Variants in LARP4 observed in about 807,000 individuals in gnomAD.
The protein encoded by LARP4 is la-related protein 4.
A neutral mutation model predicts 92.9 loss-of-function variants in LARP4; 29 were observed. That is an observed-to-expected ratio of 0.31 (90% CI 0.23 to 0.43). The LOEUF (loss-of-function observed/expected upper bound fraction) is 0.43, where lower values mean the gene tolerates loss of function less well. Among genes scored for constraint, LARP4 ranks in the 20% least tolerant of loss-of-function variants. The pLI is 1.00. For missense variants in LARP4, 732 were observed against 860.0 expected (o/e 0.85, Z 1.86); for synonymous variants, 279 against 284.1 (o/e 0.98, Z 0.18).
At chr12:50,440,212 G>C (rs1051162210) in intron 6 of LARP4, among the ~76,000 whole-genome samples, 3 of 152,164 alleles carry the variant, frequency 2.0e-5, no homozygotes, top group Non-Finnish European at 2.9e-5. Context: ...TCAGGCGGAA[G>C]GATCGCTTGC....
At position 50,474,101 on chromosome 12, in the gene LARP4, A is replaced by G; in HGVS notation, c.1770A>G (p.Pro590=). 6.2e-7 allele frequency: 1 copy of G among 1,613,398 alleles called. No individual in the cohort carries two copies. Among genetic ancestry groups the G allele is most frequent in the Non-Finnish European group, 8.5e-7 (1 of 1,179,802 alleles). The change falls in exon 15 of 16, where the codon CCA becomes CCG. Residue 590 remains proline (P), a synonymous_variant. Transcript: ENST00000398473. ...IPVSPPSTTK[P]SRASTASPCN... is the part of the protein sequence containing the mutation. Reference sequence around the variant, plus strand: ...TTTCTCCTCCAAGTACTACAAAGCCATCGAGGGCAAGTACTGCTTCACCAT... The same window carrying G: ...TTTCTCCTCCAAGTACTACAAAGCCGTCGAGGGCAAGTACTGCTTCACCAT...
intron 12 of LARP4, 88 bp from the exon 13 acceptor site, chr12:50,466,871 T>A (rs970269018): frequency 7.6e-6 from 10 of 1,313,508 alleles, no homozygotes; most frequent in African/African-American, 1.5e-5. Flanking sequence ...TTTGCTTCTT[T>A]TTCTTTTCTT....
At chr12:50,461,546 T>C (rs1287673889) in intron 11 of LARP4, 199 bp downstream of exon 11, 6 of 552,476 alleles carry the variant, frequency 1.1e-5, no homozygotes, top group Non-Finnish European at 1.9e-5. Flanking sequence ...AGAATATAGC[T>C]CTGAATCAGA....
intron 3 of LARP4, 122 bp downstream of exon 3, chr12:50,429,212 C>T (rs986379069): frequency 2.1e-5 from 14 of 682,212 alleles, no homozygotes; most frequent in Non-Finnish European, 2.0e-5. Flanking sequence ...AAGAAGGTTA[C>T]GTTAATGAAA....
intron 15 of LARP4, among the ~76,000 whole-genome samples, chr12:50,474,736 G>T (rs1165855600): frequency 6.6e-6 from 1 of 152,066 alleles, no homozygotes; most frequent in African/African-American, 2.4e-5. Context: ...TATCATTTTG[G>T]GGCTAACATA....
chr12:50,428,848 C>A, intron 2 of LARP4, 87 bp from the exon 3 acceptor site: 1 of 978,612 alleles, frequency 1.0e-6, no homozygotes, highest in East Asian at 2.7e-5. Flanking sequence ...TCCTTAAAAT[C>A]TTTTTATAGG....
At chr12:50,446,331 C>CGG (rs1952063698) in intron 8 of LARP4, among the ~76,000 whole-genome samples, 3 of 18,982 alleles carry the variant, frequency 1.6e-4, no homozygotes, top group Non-Finnish European at 9.3e-4. Flanking sequence ...GACTAGTGGT[C>CGG]TCTCTCTCTC....
chr12:50,426,599 C>T (rs570241549), intron 1 of LARP4, among the ~76,000 whole-genome samples: 5 of 151,898 alleles, frequency 3.3e-5, no homozygotes, highest in African/African-American at 1.2e-4. Flanking sequence ...ATAAAATACT[C>T]CTCACTACTT....
chr12:50,474,095 A>G lies in LARP4; in HGVS notation c.1764A>G (p.Thr588=). ...TTIPVSPPST[T]KPSRASTASP... is the part of the protein sequence containing the mutation. Reference sequence around the variant, plus strand: ...TACCAGTTTCTCCTCCAAGTACTACAAAGCCATCGAGGGCAAGTACTGCTT... The same window carrying G: ...TACCAGTTTCTCCTCCAAGTACTACGAAGCCATCGAGGGCAAGTACTGCTT... The change falls in exon 15 of 16, where the codon ACA becomes ACG. Residue 588 remains threonine (T), a synonymous_variant. Coordinates refer to ENST00000398473, the MANE Select transcript of LARP4 (RefSeq NM_052879.5). The G allele has an allele frequency of 6.8e-6, 11 of 1,613,252 alleles. No homozygotes were observed. Among genetic ancestry groups the G allele is most frequent in the Non-Finnish European group, 9.3e-6 (11 of 1,179,778 alleles).
chr12:50,462,562 C>CCCCCA lies in LARP4; in HGVS notation c.1335-20_1335-19insCCCCA. 1 of 1,454,600 alleles carries CCCCCA rather than the reference C, an allele frequency of 6.9e-7. No individual in the cohort carries two copies. Among genetic ancestry groups the CCCCCA allele is most frequent in the Non-Finnish European group, 9.5e-7 (1 of 1,050,068 alleles). 90.1% of individuals were successfully genotyped at this position (1,454,600 alleles called of 1,614,324 possible). On this transcript the variant is annotated intron_variant, in intron 11 of 15. Coordinates refer to ENST00000398473, the MANE Select transcript of LARP4 (RefSeq NM_052879.5). ...TTGTCCCTCCACCCCACCCCACCCCCACCTTTTTCTTATTAAAAGGAGAAC... is the reference window on the plus strand; with the variant it reads ...TTGTCCCTCCACCCCACCCCACCCCCCCCCAACCTTTTTCTTATTAAAAGGAGAAC...
chr12:50,454,440 A>G, intron 10 of LARP4, 23 bp downstream of exon 10: 1 of 1,536,318 alleles, frequency 6.5e-7, no homozygotes, highest in Non-Finnish European at 9.0e-7. Context: ...CCATAGCTGT[A>G]ATGTATTTTA....
chr12:50,432,156 A>G (rs745629887), intron 4 of LARP4, among the ~76,000 whole-genome samples: 11 of 151,998 alleles, frequency 7.2e-5, no homozygotes, highest in South Asian at 2.1e-4. Context: ...GTCTGCTTCT[A>G]TTGTCTGGGT....
intron 12 of LARP4, among the ~76,000 whole-genome samples, chr12:50,463,749 CT>C (rs1410204505): frequency 6.6e-6 from 1 of 152,144 alleles, no homozygotes; most frequent in East Asian, 1.9e-4. Flanking sequence ...ATGCCTGTGG[CT>C]TTTCTATGCC....
intron 1 of LARP4, among the ~76,000 whole-genome samples, chr12:50,413,673 A>C (rs899829496): frequency 4.6e-5 from 7 of 152,194 alleles, no homozygotes; most frequent in African/African-American, 1.7e-4. Flanking sequence ...TGCTTGATCA[A>C]AATGTCATTA....
At chr12:50,465,787 T>G (rs887358980) in intron 12 of LARP4, among the ~76,000 whole-genome samples, 2 of 152,154 alleles carry the variant, frequency 1.3e-5, no homozygotes, top group African/African-American at 4.8e-5. Context: ...AAACCTACAA[T>G]TCAATGATAT....
chr12:50,421,624 G>C (rs1421287848), intron 1 of LARP4, among the ~76,000 whole-genome samples: 5 of 151,268 alleles, frequency 3.3e-5, no homozygotes, highest in Non-Finnish European at 1.5e-5. Flanking sequence ...CAGCCTGGGA[G>C]ACAGCAAGAC....
chr12:50,408,818 A>G (rs1200148708), intron 1 of LARP4, among the ~76,000 whole-genome samples: 5 of 152,098 alleles, frequency 3.3e-5, no homozygotes, highest in African/African-American at 1.2e-4. Flanking sequence ...AACATAATGC[A>G]CGTAAGTGGG....
At chr12:50,413,693 A>G (rs572942915) in intron 1 of LARP4, among the ~76,000 whole-genome samples, 5 of 152,254 alleles carry the variant, frequency 3.3e-5, no homozygotes, top group African/African-American at 9.6e-5. Context: ...AATGCAGCAC[A>G]TGACTGTAAT....
chr12:50,439,909 G>T (rs1413185619), intron 6 of LARP4, among the ~76,000 whole-genome samples: 4 of 152,108 alleles, frequency 2.6e-5, no homozygotes, highest in African/African-American at 9.7e-5. Flanking sequence ...GAAAAGAGAA[G>T]ATATGTTTGC....
Sources: gnomAD v4.1 joint callset for allele counts (sites outside exome capture counted in the v4.1 genomes callset) on GRCh38, gnomAD v4.1.1 for gene constraint, MANE v1.5 for transcripts, NCBI Gene and HGNC (gene_info 2026-07-23, HGNC 2026-07-21) for gene names.